Variants in PRKG2 observed in about 807,000 individuals in gnomAD.
PRKG2 encodes the protein cGMP-dependent protein kinase 2.
Under a neutral mutation model 97.2 loss-of-function variants are expected in PRKG2, and 33 were observed. The observed-to-expected ratio is 0.34, with a 90% CI of 0.26 to 0.45. The LOEUF (loss-of-function observed/expected upper bound fraction) is 0.45. Among genes scored for constraint, PRKG2 ranks in the 20% least tolerant of loss-of-function variants. The pLI, the probability that PRKG2 is intolerant of heterozygous loss-of-function variation, is 1.00. For missense variants in PRKG2, 638 were observed against 900.0 expected (o/e 0.71, Z 3.73); for synonymous variants, 330 against 321.8 (o/e 1.03, Z -0.27).
chr4:81,124,057 G>T (rs1341762079), intron 14 of PRKG2, among the ~76,000 whole-genome samples: 1 of 152,032 alleles, frequency 6.6e-6, no homozygotes, highest in Non-Finnish European at 1.5e-5. Flanking sequence ...ACTCCTTGTG[G>T]CATATCAGAT....
chr4:81,118,061 T>G (rs1460330682), intron 14 of PRKG2, among the ~76,000 whole-genome samples: 1 of 152,220 alleles, frequency 6.6e-6, no homozygotes, highest in Non-Finnish European at 1.5e-5. Flanking sequence ...AGTTTTGCCT[T>G]TTACAAAATG....
At chr4:81,213,138 T>G (rs1754092897) in intron 1 of PRKG2, among the ~76,000 whole-genome samples, 1 of 152,122 alleles carries the variant, frequency 6.6e-6, no homozygotes, top group Admixed American at 6.5e-5. Context: ...TTACATATAT[T>G]GAGTTTGAGA....
At chr4:81,115,632 T>C (rs1206897674) in intron 14 of PRKG2, among the ~76,000 whole-genome samples, 4 of 152,094 alleles carry the variant, frequency 2.6e-5, no homozygotes, top group African/African-American at 9.7e-5. Context: ...CCAGAAAGAG[T>C]GCATAAAGAT....
At chr4:81,161,369 T>C (rs1156737865) in intron 6 of PRKG2, among the ~76,000 whole-genome samples, 2 of 152,186 alleles carry the variant, frequency 1.3e-5, no homozygotes, top group African/African-American at 4.8e-5. Flanking sequence ...AGCGCATTAG[T>C]TCTCTATTGC....
chr4:81,179,644 T>G (rs1751235938), intron 2 of PRKG2, among the ~76,000 whole-genome samples: 1 of 152,018 alleles, frequency 6.6e-6, no homozygotes, highest in African/African-American at 2.4e-5. Flanking sequence ...TAATAATACC[T>G]TGTGCGGTGT....
At position 81,144,243 on chromosome 4, in the gene PRKG2, T is replaced by C; in HGVS notation, c.1242A>G (p.Lys414=). The C allele has an allele frequency of 6.2e-7, 1 of 1,608,476 alleles. No individual in the cohort carries two copies. Among genetic ancestry groups the C allele is most frequent in the Non-Finnish European group, 8.5e-7 (1 of 1,175,090 alleles). The part of the protein sequence containing the change: ...YVANLNRDDE[K]RHAKRSMSNW... ...ATTCCTCCACTTACTTCGCATGTCT[T>C]TTTTCATCATCACGGTTCAGGTTTG... The change falls in exon 10 of 19, where the codon AAA becomes AAG. Residue 414 remains lysine, a synonymous_variant. Coordinates refer to ENST00000264399, the MANE Select transcript of PRKG2 (RefSeq NM_006259.3).
upstream of PRKG2, among the ~76,000 whole-genome samples, chr4:81,216,100 A>G (rs965440628): frequency 6.6e-6 from 1 of 152,114 alleles, no homozygotes; most frequent in Non-Finnish European, 1.5e-5. Context: ...CTCACTGTGC[A>G]TCTAGAGAAT....
chr4:81,217,616 G>A (rs1473920568), upstream of PRKG2, among the ~76,000 whole-genome samples: 1 of 152,188 alleles, frequency 6.6e-6, no homozygotes, highest in African/African-American at 2.4e-5. Context: ...AAATTAACTT[G>A]TGATCTCTGC....
At chr4:81,097,186 T>C (rs540542947) in intron 17 of PRKG2, among the ~76,000 whole-genome samples, 26 of 152,206 alleles carry the variant, frequency 1.7e-4, no homozygotes, top group African/African-American at 6.3e-4. Flanking sequence ...AAATAAATAC[T>C]CCTTGGTTCC....
chr4:81,106,058 C>G, intron 15 of PRKG2, 123 bp from the exon 16 acceptor site: 2 of 1,197,498 alleles, frequency 1.7e-6, no homozygotes, highest in Admixed American at 5.2e-5. Flanking sequence ...CTCTCTGTCT[C>G]AGTTGTTTTA....
intron 17 of PRKG2, among the ~76,000 whole-genome samples, chr4:81,094,654 A>T (rs568513774): frequency 2.6e-5 from 4 of 152,254 alleles, no homozygotes; most frequent in African/African-American, 9.6e-5. Flanking sequence ...GGCTGCTTAT[A>T]GCTAGGGAAG....
At chr4:81,174,705 A>G in intron 3 of PRKG2, 88 bp downstream of exon 3, 2 of 1,322,664 alleles carry the variant, frequency 1.5e-6, no homozygotes, top group South Asian at 3.1e-5. Context: ...CAAATAGAGC[A>G]ACCAGTTTTA....
intron 14 of PRKG2, among the ~76,000 whole-genome samples, chr4:81,131,640 AG>A (rs1442117473): frequency 3.3e-5 from 5 of 152,224 alleles, no homozygotes; most frequent in African/African-American, 1.2e-4. Flanking sequence ...TTACAGGTCT[AG>A]GATTCATCTA....
chr4:81,216,182 G>A (rs1056068108), upstream of PRKG2, among the ~76,000 whole-genome samples: 6 of 152,112 alleles, frequency 3.9e-5, no homozygotes, highest in African/African-American at 1.4e-4. Context: ...TGTATACACT[G>A]TTACATACAT....
chr4:81,097,643 T>C (rs962470780), intron 17 of PRKG2, among the ~76,000 whole-genome samples: 1 of 152,210 alleles, frequency 6.6e-6, no homozygotes, highest in Non-Finnish European at 1.5e-5. Context: ...GTTGTTTATG[T>C]AGACACTTTC....
chr4:81,174,198 T>TTGTAAGA (rs1750727175), intron 3 of PRKG2, among the ~76,000 whole-genome samples: 1 of 152,072 alleles, frequency 6.6e-6, no homozygotes, highest in Non-Finnish European at 1.5e-5. Context: ...CCGGTTTTAA[T>TTGTAAGA]TGTAAGATAT....
At chr4:81,217,057 G>A (rs788859), upstream of PRKG2, among the ~76,000 whole-genome samples, 63,243 of 132,860 alleles carry the variant, frequency 0.48, 18,756 homozygotes, top group African/African-American at 0.84. Context: ...ATATATATGT[G>A]TATATATATA....
chr4:81,147,035 A>G (rs911594178), intron 9 of PRKG2, among the ~76,000 whole-genome samples: 64 of 152,176 alleles, frequency 4.2e-4, no homozygotes, highest in African/African-American at 1.4e-3. Flanking sequence ...ATATTCACGT[A>G]ATTTTTATGT....
chr4:81,121,737 T>C (rs1176294146), intron 14 of PRKG2, among the ~76,000 whole-genome samples: 1 of 151,954 alleles, frequency 6.6e-6, no homozygotes, highest in African/African-American at 2.4e-5. Context: ...TCTTTTTTTT[T>C]CTTAGTTAAT....
Sources: allele counts gnomAD v4.1 joint callset (sites outside exome capture counted in the v4.1 genomes callset), GRCh38; gene constraint gnomAD v4.1.1; transcripts MANE v1.5; gene names NCBI Gene and HGNC (gene_info 2026-07-23, HGNC 2026-07-21).